SPATA13: variants seen among roughly 807,000 people sequenced by gnomAD.
SPATA13 encodes the protein spermatogenesis-associated protein 13.
Under a neutral mutation model 104.0 loss-of-function variants are expected in SPATA13, and 50 were observed. The ratio of observed to expected loss-of-function variants is 0.48; its 90% CI spans 0.38 to 0.61. SPATA13 has a LOEUF of 0.61. Among genes scored for constraint, SPATA13 ranks in the 20% least tolerant of loss-of-function variants. SPATA13 has a pLI of 0.00. For synonymous variants in SPATA13, 606 were observed against 667.5 expected (o/e 0.91, Z 1.42); for missense variants, 1,524 against 1,690.6 (o/e 0.90, Z 1.73).
Position 24,192,227 on chromosome 13 carries a change from A to AC in SPATA13, c.-111-30586dup, listed in dbSNP as rs1250658837. 5.3e-5 allele frequency among the ~76,000 whole-genome samples: 8 copies of AC among 151,856 alleles called. No individual in the cohort carries two copies. The East Asian group carries it at 1.4e-3, about 26-fold the overall frequency. On this transcript the variant is annotated intron_variant, in intron 1 of 12. Transcript: ENST00000382108. ...GGGCAGGCAAGGAGATTCACCAGGG[A>AC]CCCCCCTCCCCCCACACCTTATCTG...
chr13:24,190,319 ATAT>A (rs1366059401), intron 1 of SPATA13, among the ~76,000 whole-genome samples: 2 of 2,526 alleles, frequency 7.9e-4, no homozygotes, highest in African/African-American at 8.3e-4. Flanking sequence ...ATAATATATA[ATAT>A]TATATATTAT....
chr13:24,211,190 C>A (rs1417564365), intron 1 of SPATA13, among the ~76,000 whole-genome samples: 1 of 152,200 alleles, frequency 6.6e-6, no homozygotes, highest in East Asian at 1.9e-4. Flanking sequence ...TATTAGATAA[C>A]ATCATTTTCA....
intron 2 of SPATA13, among the ~76,000 whole-genome samples, chr13:24,009,458 A>C (rs573257295): frequency 8.5e-5 from 13 of 152,352 alleles, no homozygotes; most frequent in African/African-American, 2.9e-4. Context: ...GTTGGGCTAC[A>C]GCCTAGTTTT....
chr13:24,273,809 A>G (rs1352086503), intron 4 of SPATA13, among the ~76,000 whole-genome samples: 1 of 152,226 alleles, frequency 6.6e-6, no homozygotes, highest in Non-Finnish European at 1.5e-5. Flanking sequence ...TCACCAAGCA[A>G]TGATGGTTAC....
chr13:24,090,404 G>C (rs532795386), intron 3 of SPATA13, among the ~76,000 whole-genome samples: 2 of 152,160 alleles, frequency 1.3e-5, no homozygotes, highest in South Asian at 4.2e-4. Context: ...TAGATGCCCC[G>C]CAAACACCTC....
intron 1 of SPATA13, among the ~76,000 whole-genome samples, chr13:24,188,235 G>A (rs1869283202): frequency 6.6e-6 from 1 of 151,962 alleles, no homozygotes; most frequent in African/African-American, 2.4e-5. Context: ...CAGCTACTCG[G>A]GAGGCTGAGG....
In SPATA13 at chr13:24,223,613, T is replaced by C; in HGVS notation, c.684T>C (p.Thr228=). The C allele has an allele frequency of 6.4e-7, 1 of 1,551,570 alleles. No homozygotes were observed. Among genetic ancestry groups the C allele is most frequent in the Non-Finnish European group, 8.7e-7 (1 of 1,147,046 alleles). ...PQNHATPTIA[T]GQVPAVCEIL... ...ACCATGCGACACCCACGATAGCCAC[T>C]GGCCAGGTGCCCGCCGTGTGTGAGA... is the stretch of plus-strand genomic sequence containing the variant. The change falls in exon 2 of 13, where the codon ACT becomes ACC. Residue 228 remains threonine, a synonymous_variant. Transcript: ENST00000382108.
At chr13:24,003,165 A>G (rs1372437125) in intron 2 of SPATA13, among the ~76,000 whole-genome samples, 2 of 151,976 alleles carry the variant, frequency 1.3e-5, no homozygotes, top group African/African-American at 4.8e-5. Context: ...TGGTCTATAA[A>G]TGCAGGGGTG....
intron 1 of SPATA13, among the ~76,000 whole-genome samples, chr13:24,184,164 A>ATGGG (rs967199226): frequency 6.6e-6 from 1 of 152,168 alleles, no homozygotes; most frequent in Non-Finnish European, 1.5e-5. Context: ...TTTTGAGTGA[A>ATGGG]TGGGTACCTG....
chr13:23,987,687 A>G lies in SPATA13; in HGVS notation c.-147+3754A>G, dbSNP rs532084913. Among the ~76,000 whole-genome samples, 23 of 152,306 alleles carry G rather than the reference A, an allele frequency of 1.5e-4. No homozygotes were observed. The South Asian group carries it at 4.4e-3, about 29-fold the overall frequency. On this transcript the variant is annotated intron_variant, in intron 2 of 14. Coordinates refer to the SPATA13 transcript ENST00000424834. The stretch of plus-strand genomic sequence containing the variant: ...TTAAGTGTGCAGTTCAGCGGCATTC[A>G]GCACATTCACATTATTGTGCAACCT...
intron 2 of SPATA13, among the ~76,000 whole-genome samples, chr13:23,993,101 C>A (rs770827218): frequency 1.3e-5 from 2 of 152,202 alleles, no homozygotes; most frequent in Non-Finnish European, 2.9e-5. Flanking sequence ...GTTTAAAAGT[C>A]CACAGTCTAA....
intron 3 of SPATA13, among the ~76,000 whole-genome samples, chr13:24,082,596 G>A (rs1270464683): frequency 2.6e-5 from 4 of 151,794 alleles, no homozygotes; most frequent in Non-Finnish European, 4.4e-5. Flanking sequence ...CGAGGCGGGT[G>A]GATCATGAGG....
intron 4 of SPATA13, among the ~76,000 whole-genome samples, chr13:24,264,346 C>T (rs1472701707): frequency 6.6e-6 from 1 of 152,096 alleles, no homozygotes; most frequent in Non-Finnish European, 1.5e-5. Context: ...TAGCGAACCA[C>T]CACCAAGAGC....
intron 3 of SPATA13, among the ~76,000 whole-genome samples, chr13:24,029,497 TA>T (rs1166373090): frequency 4.6e-5 from 7 of 152,252 alleles, no homozygotes; most frequent in Admixed American, 2.0e-4. Context: ...AATTAAACAA[TA>T]AAAAAATTTT....
At chr13:24,038,225 T>G (rs528445560) in intron 3 of SPATA13, among the ~76,000 whole-genome samples, 1 of 152,356 alleles carries the variant, frequency 6.6e-6, no homozygotes, top group East Asian at 1.9e-4. Context: ...CTAGGCTAGA[T>G]TTTTAACAAA....
chr13:24,215,574 A>G (rs1005764308), intron 1 of SPATA13, among the ~76,000 whole-genome samples: 1 of 152,244 alleles, frequency 6.6e-6, no homozygotes, highest in Non-Finnish European at 1.5e-5. Flanking sequence ...CAAAGACAAA[A>G]AAATTGAACA....
At chr13:24,029,080 T>C (rs1195550220) in intron 3 of SPATA13, among the ~76,000 whole-genome samples, 1 of 152,160 alleles carries the variant, frequency 6.6e-6, no homozygotes, top group East Asian at 1.9e-4. Context: ...TTTTTAATTA[T>C]CGAATTTATT....
At chr13:24,234,753 T>G (rs1416753294) in intron 2 of SPATA13, among the ~76,000 whole-genome samples, 1 of 152,074 alleles carries the variant, frequency 6.6e-6, no homozygotes, top group African/African-American at 2.4e-5. Context: ...GATATAGCAC[T>G]CACAGCTGCT....
At chr13:24,054,036 C>T (rs1046509741) in intron 3 of SPATA13, among the ~76,000 whole-genome samples, 1 of 152,114 alleles carries the variant, frequency 6.6e-6, no homozygotes, top group African/African-American at 2.4e-5. Flanking sequence ...CTCTGCCCTG[C>T]GGGGACACTC....
Sources: allele counts gnomAD v4.1 joint callset (sites outside exome capture counted in the v4.1 genomes callset), GRCh38; gene constraint gnomAD v4.1.1; transcripts MANE v1.5; gene names NCBI Gene and HGNC (gene_info 2026-07-23, HGNC 2026-07-21).